DAPK1: variants seen among roughly 807,000 people sequenced by gnomAD.
DAPK1 encodes the protein death associated protein kinase 1.
In DAPK1, 56 loss-of-function variants were observed where a neutral mutation model predicts 144.9. The ratio of observed to expected loss-of-function variants is 0.39; its 90% confidence interval spans 0.31 to 0.48. DAPK1 has a LOEUF of 0.48. Among genes scored for constraint, DAPK1 ranks in the 20% least tolerant of loss-of-function variants. The pLI is 0.95. For missense variants in DAPK1, 1,454 were observed against 1,875.4 expected (o/e 0.78, Z 4.15); for synonymous variants, 690 against 749.0 (o/e 0.92, Z 1.29).
intron 2 of DAPK1, among the ~76,000 whole-genome samples, chr9:87,587,261 G>GA (rs1827969848): frequency 6.6e-6 from 1 of 152,096 alleles, no homozygotes; most frequent in Non-Finnish European, 1.5e-5. Context: ...AATAACGGAA[G>GA]AAAAAATAGA....
intron 19 of DAPK1, among the ~76,000 whole-genome samples, chr9:87,670,431 A>G (rs1218937801): frequency 6.6e-6 from 1 of 152,160 alleles, no homozygotes; most frequent in Non-Finnish European, 1.5e-5. Flanking sequence ...TTTTCCTGTT[A>G]GTTATTAGGT....
At chr9:87,575,209 A>T (rs950910495) in intron 2 of DAPK1, among the ~76,000 whole-genome samples, 2 of 145,462 alleles carry the variant, frequency 1.4e-5, no homozygotes, top group African/African-American at 5.2e-5. Flanking sequence ...AACAGACTCC[A>T]TCTCAATAAA....
At chr9:87,590,311 T>C (rs767689094) in intron 2 of DAPK1, among the ~76,000 whole-genome samples, 13 of 151,568 alleles carry the variant, frequency 8.6e-5, no homozygotes, top group Non-Finnish European at 1.5e-5. Flanking sequence ...TACTTCAAGC[T>C]TTGGTTCCAC....
intron 2 of DAPK1, among the ~76,000 whole-genome samples, chr9:87,532,257 A>G (rs1825726414): frequency 6.6e-6 from 1 of 152,226 alleles, no homozygotes; most frequent in Non-Finnish European, 1.5e-5. Context: ...ATTGGAAAAG[A>G]TTTTTAAAAA....
At chr9:87,622,729 G>A (rs1293188584) in intron 3 of DAPK1, among the ~76,000 whole-genome samples, 1 of 151,912 alleles carries the variant, frequency 6.6e-6, no homozygotes, top group African/African-American at 2.4e-5. Context: ...TGGGCAACAC[G>A]GTGAAACCCT....
chr9:87,538,572 G>A lies in DAPK1; in HGVS notation c.62+39433G>A, dbSNP rs367766932. On this transcript the variant is annotated intron_variant, in intron 2 of 25. Coordinates refer to ENST00000408954, the MANE Select transcript of DAPK1 (RefSeq NM_004938.4). Reference sequence around the variant, plus strand: ...AACACGGTTCATTTGTCTTTGAGACGGGTTGTTAGAACAAAAATTTGAACA... The same window carrying A: ...AACACGGTTCATTTGTCTTTGAGACAGGTTGTTAGAACAAAAATTTGAACA... Among the ~76,000 whole-genome samples, 7 of 152,152 alleles carry A rather than the reference G, an allele frequency of 4.6e-5. No individual in the cohort carries two copies. The South Asian group carries it at 1.0e-3, about 23-fold the overall frequency.
chr9:87,640,277 G>A (rs758357391), intron 7 of DAPK1, 21 bp from the exon 8 acceptor site: 2 of 1,607,950 alleles, frequency 1.2e-6, no homozygotes, highest in Non-Finnish European at 1.7e-6. Flanking sequence ...AATGTTCTAT[G>A]CCCAACTTTA....
chr9:87,560,682 T>G (rs894989010), intron 2 of DAPK1, among the ~76,000 whole-genome samples: 1 of 151,720 alleles, frequency 6.6e-6, no homozygotes, highest in Admixed American at 6.6e-5. Context: ...TTTTTTTTTT[T>G]TTTGAGACAG....
At chr9:87,701,176 T>C (rs949739775) in intron 24 of DAPK1, among the ~76,000 whole-genome samples, 2 of 152,194 alleles carry the variant, frequency 1.3e-5, no homozygotes, top group African/African-American at 4.8e-5. Context: ...AATAAATATG[T>C]CATTTGAATT....
At chr9:87,661,927 GTT>G (rs1365127240) in intron 18 of DAPK1, among the ~76,000 whole-genome samples, 1 of 152,126 alleles carries the variant, frequency 6.6e-6, no homozygotes, top group Non-Finnish European at 1.5e-5. Context: ...TTTTCCCTGA[GTT>G]TTCCTTCAGT....
intron 18 of DAPK1, among the ~76,000 whole-genome samples, chr9:87,662,246 A>G (rs1254368362): frequency 6.6e-6 from 1 of 152,158 alleles, no homozygotes; most frequent in Non-Finnish European, 1.5e-5. Flanking sequence ...ATTTGAAATT[A>G]GGCAATATGA....
At chr9:87,525,692 CCT>C (rs770823931) in intron 2 of DAPK1, among the ~76,000 whole-genome samples, 6 of 147,622 alleles carry the variant, frequency 4.1e-5, no homozygotes, top group Non-Finnish European at 8.8e-5. Context: ...TCCATGTTTT[CCT>C]CTCTCTTCCC....
intron 1 of DAPK1, chr9:87,498,420 G>A (rs1355232598): frequency 1.3e-5 from 4 of 313,178 alleles, no homozygotes; most frequent in East Asian, 1.0e-4. Context: ...GCCGCACGCC[G>A]GGTCGGCCGG....
At chr9:87,671,351 A>G (rs767965779) in intron 19 of DAPK1, among the ~76,000 whole-genome samples, 4 of 152,112 alleles carry the variant, frequency 2.6e-5, no homozygotes, top group Non-Finnish European at 5.9e-5. Context: ...TATTACAGCT[A>G]TAAAATACAA....
intron 3 of DAPK1, among the ~76,000 whole-genome samples, chr9:87,623,371 A>G (rs996144242): frequency 6.6e-6 from 1 of 152,172 alleles, no homozygotes; most frequent in Non-Finnish European, 1.5e-5. Flanking sequence ...TTTCATGCCT[A>G]TGGAAGACCA....
intron 2 of DAPK1, among the ~76,000 whole-genome samples, chr9:87,604,076 G>A (rs1336760642): frequency 1.3e-5 from 2 of 152,156 alleles, no homozygotes; most frequent in Admixed American, 1.3e-4. Flanking sequence ...TGCAGACCTG[G>A]TTTCTTTCCT....
chr9:87,497,808 CCCCATTGGCCGCCTGCCGGCCGCCCTCCG>C (rs957336788), upstream of DAPK1: 5 of 377,052 alleles, frequency 1.3e-5, no homozygotes, highest in Non-Finnish European at 2.3e-5. Flanking sequence ...CTTGCAGGGT[CCCCATTGGCCGCCTGCCGGCCGCCCTCCG>C]CCCAAAAGGC....
At chr9:87,680,352 G>A (rs1028255054) in intron 19 of DAPK1, among the ~76,000 whole-genome samples, 30 of 152,272 alleles carry the variant, frequency 2.0e-4, no homozygotes, top group African/African-American at 6.7e-4. Flanking sequence ...TGATCCATGT[G>A]CCTCAGCCTC....
intron 2 of DAPK1, among the ~76,000 whole-genome samples, chr9:87,541,358 G>A (rs1011688731): frequency 6.6e-6 from 1 of 152,022 alleles, no homozygotes; most frequent in Admixed American, 6.6e-5. Context: ...GACCAGCCTC[G>A]CCAACATGAT....
Sources: allele counts gnomAD v4.1 joint callset (sites outside exome capture counted in the v4.1 genomes callset), GRCh38; gene constraint gnomAD v4.1.1; transcripts MANE v1.5; gene names NCBI Gene and HGNC (gene_info 2026-07-23, HGNC 2026-07-21).